NUAK1: variants seen among roughly 807,000 people sequenced by gnomAD.
NUAK1 encodes NUAK family kinase 1, also known as NUAK family SNF1-like kinase 1.
NUAK1 carries 26 observed loss-of-function variants against 56.9 expected under a neutral mutation model. The ratio of observed to expected loss-of-function variants is 0.46; its 90% CI spans 0.33 to 0.63. NUAK1 has a LOEUF of 0.63. Among genes scored for constraint, NUAK1 ranks in the 30% least tolerant of loss-of-function variants. The pLI, the probability that NUAK1 is intolerant of heterozygous loss-of-function variation, is 0.02. For missense variants in NUAK1, 727 were observed against 876.1 expected, an observed-to-expected ratio of 0.83 and a Z score of 2.15; for synonymous variants, 337 against 336.0, an observed-to-expected ratio of 1.00 and a Z score of -0.03.
intron 1 of NUAK1, among the ~76,000 whole-genome samples, chr12:106,108,482 T>C (rs747770856): frequency 4.7e-5 from 7 of 150,122 alleles, no homozygotes; most frequent in Non-Finnish European, 7.4e-5. Flanking sequence ...CCATTCAGTA[T>C]AGGGCAAGAA....
chr12:106,086,686 C>A (rs778597889), intron 3 of NUAK1, 48 bp downstream of exon 3: 11 of 1,567,450 alleles, frequency 7.0e-6, no homozygotes, highest in African/African-American at 6.8e-5. Flanking sequence ...TCATGCAGTG[C>A]CATAAAAACC....
intron 1 of NUAK1, among the ~76,000 whole-genome samples, chr12:106,133,604 C>T (rs775887671): frequency 3.3e-5 from 5 of 152,196 alleles, no homozygotes; most frequent in Non-Finnish European, 5.9e-5. Flanking sequence ...CTATTTTACA[C>T]CTCACAGGGT....
chr12:106,125,612 T>C, intron 1 of NUAK1, among the ~76,000 whole-genome samples: 1 of 152,198 alleles, frequency 6.6e-6, no homozygotes, highest in East Asian at 1.9e-4. Context: ...CTATGAGGGT[T>C]GTTAAGGGAA....
intron 1 of NUAK1, among the ~76,000 whole-genome samples, chr12:106,119,977 T>C (rs537603199): frequency 7.8e-6 from 1 of 127,952 alleles, no homozygotes; most frequent in South Asian, 2.5e-4. Context: ...GCTTCAATTA[T>C]CTGGAAAAAA....
chr12:106,094,033 T>C (rs1339320051), intron 2 of NUAK1, among the ~76,000 whole-genome samples: 1 of 151,600 alleles, frequency 6.6e-6, no homozygotes, highest in Non-Finnish European at 1.5e-5. Flanking sequence ...GGTCTCAAAC[T>C]CCTGAACTCA....
In NUAK1 at chr12:106,095,676, T is replaced by C. The variant is rs77951987; in HGVS notation, c.362-8791A>G. On this transcript the variant is annotated intron_variant, in intron 2 of 6. Coordinates refer to ENST00000261402, the MANE Select transcript of NUAK1 (RefSeq NM_014840.3). ...CAACTCCAGAATTATGGGTATGCAC[T>C]GGCAGAGTCCACACCCAAGGCTGCA... Among the ~76,000 whole-genome samples, 532 of 152,310 alleles carry C rather than the reference T, an allele frequency of 3.5e-3. 14 individuals are homozygous for C. In the East Asian group the frequency reaches 0.069, roughly 20 times the overall value.
At chr12:106,113,669 T>C (rs1432905619) in intron 1 of NUAK1, among the ~76,000 whole-genome samples, 1 of 149,342 alleles carries the variant, frequency 6.7e-6, no homozygotes, top group African/African-American at 2.5e-5. Flanking sequence ...GAAGCAGTTA[T>C]ATTACATACT....
intron 2 of NUAK1, among the ~76,000 whole-genome samples, chr12:106,089,574 T>C (rs1045693036): frequency 6.6e-6 from 1 of 152,186 alleles, no homozygotes; most frequent in African/African-American, 2.4e-5. Context: ...GGTGGATCAC[T>C]TGAGGCCAGA....
intron 4 of NUAK1, among the ~76,000 whole-genome samples, chr12:106,073,533 C>T (rs1010456834): frequency 1.3e-5 from 2 of 152,164 alleles, no homozygotes; most frequent in Non-Finnish European, 2.9e-5. Flanking sequence ...TTCTAGCTCA[C>T]AGGATCATCA....
chr12:106,113,432 C>G (rs767706527), intron 1 of NUAK1, among the ~76,000 whole-genome samples: 54 of 151,958 alleles, frequency 3.6e-4, no homozygotes, highest in Non-Finnish European at 5.9e-5. Context: ...GCCTCCGATC[C>G]CCTGGTTAGG....
Position 106,064,573 on chromosome 12 carries a change from A to G in NUAK1, c.*2229T>C, listed in dbSNP as rs974921937. The G allele has an allele frequency of 6.6e-6, 1 of 152,210 alleles. No homozygotes were observed. The highest frequency in any genetic ancestry group is 2.4e-5 in the African/African-American group (1 of 41,448). 9.4% of individuals were successfully genotyped at this position (152,210 alleles called of 1,614,324 possible). ...TTACTTAAAGACTAGAATGATGGAA[A>G]CTACTAAACAGACTCAATCACTTGG... is the stretch of plus-strand genomic sequence containing the variant. On this transcript the variant is annotated 3_prime_UTR_variant, in exon 7 of 7. Coordinates refer to ENST00000261402, the MANE Select transcript of NUAK1 (RefSeq NM_014840.3).
intron 2 of NUAK1, among the ~76,000 whole-genome samples, chr12:106,104,382 T>C (rs956320177): frequency 6.6e-6 from 1 of 152,128 alleles, no homozygotes; most frequent in Non-Finnish European, 1.5e-5. Flanking sequence ...GCTTCTTGAG[T>C]GTGGGATCTA....
intron 1 of NUAK1, among the ~76,000 whole-genome samples, chr12:106,133,575 A>G (rs770322709): frequency 3.3e-5 from 5 of 152,144 alleles, no homozygotes; most frequent in Non-Finnish European, 7.4e-5. Context: ...CATTTTCCCC[A>G]TCTGTAAAAT....
intron 6 of NUAK1, 47 bp downstream of exon 6, chr12:106,070,727 G>A: frequency 6.2e-7 from 1 of 1,610,784 alleles, no homozygotes; most frequent in Non-Finnish European, 8.5e-7. Flanking sequence ...TGGGTAAGCA[G>A]ATCTCTCTCC....
chr12:106,093,562 A>G (rs900170706), intron 2 of NUAK1, among the ~76,000 whole-genome samples: 1 of 152,228 alleles, frequency 6.6e-6, no homozygotes, highest in Admixed American at 6.5e-5. Flanking sequence ...GAAAATGTGT[A>G]TTATAAAAAC....
chr12:106,070,622 C>A (rs1189848190), intron 6 of NUAK1, 152 bp downstream of exon 6: 2 of 997,822 alleles, frequency 2.0e-6, no homozygotes, highest in Non-Finnish European at 2.9e-6. Flanking sequence ...GCCTAATAAG[C>A]CAGTTTTGCC....
intron 2 of NUAK1, among the ~76,000 whole-genome samples, chr12:106,089,142 G>T (rs1290668377): frequency 6.6e-6 from 1 of 152,274 alleles, no homozygotes; most frequent in Non-Finnish European, 1.5e-5. Flanking sequence ...CCCCAAAAAT[G>T]AAAGAGTGAT....
intron 1 of NUAK1, among the ~76,000 whole-genome samples, chr12:106,107,786 A>G (rs2032817186): frequency 6.6e-6 from 1 of 152,282 alleles, no homozygotes; most frequent in South Asian, 2.1e-4. Flanking sequence ...GCATCAGTCC[A>G]TCTATGACTC....
intron 2 of NUAK1, among the ~76,000 whole-genome samples, chr12:106,092,934 T>C (rs1289213101): frequency 1.3e-5 from 2 of 152,208 alleles, no homozygotes; most frequent in African/African-American, 2.4e-5. Context: ...TTTTCTGAAA[T>C]GGCTTTATTA....
Sources: allele counts gnomAD v4.1 joint callset (sites outside exome capture counted in the v4.1 genomes callset), GRCh38; gene constraint gnomAD v4.1.1; transcripts MANE v1.5; gene names NCBI Gene and HGNC (gene_info 2026-07-23, HGNC 2026-07-21).